The following CEP89 variants were observed in gnomAD, a reference collection of about 807,000 sequenced individuals.
CEP89 encodes the protein centrosomal protein of 89 kDa.
CEP89 carries 95 observed loss-of-function variants against 97.6 expected under a neutral mutation model. The observed-to-expected ratio is 0.97, with a 90% CI of 0.82 to 1.15. CEP89 has a LOEUF of 1.15. CEP89 is among the 50% of genes most tolerant of loss of function. The pLI is 0.00. For synonymous variants in CEP89, 354 were observed against 349.1 expected, an observed-to-expected ratio of 1.01 and a Z score of -0.16; for missense variants, 869 against 947.7, an observed-to-expected ratio of 0.92 and a Z score of 1.09.
rs776531064 is a variant in CEP89, at chr19:32,926,241, C to T, written c.1113G>A (p.Leu371=). Reference sequence around the variant, plus strand: ...TCTCTTTCATCATATCTTCATAAGCCAGCAACAATGGTGACAGGTACTTTA... The same window carrying T: ...TCTCTTTCATCATATCTTCATAAGCTAGCAACAATGGTGACAGGTACTTTA... ...LDIKYLSPLL[L]AYEDMMKEKD... is the part of the protein sequence containing the mutation. The change falls in exon 11 of 19, where the codon CTG becomes CTA. Residue 371 remains leucine, a synonymous_variant. Transcript: ENST00000305768. 4 of 1,613,680 alleles carry T rather than the reference C, an allele frequency of 2.5e-6. No individual in the cohort carries two copies. The highest frequency in any genetic ancestry group is 1.7e-6 in the Non-Finnish European group (2 of 1,179,650).
intron 14 of CEP89, among the ~76,000 whole-genome samples, chr19:32,904,590 T>G (rs1969850742): frequency 6.7e-6 from 1 of 148,220 alleles, no homozygotes; most frequent in Non-Finnish European, 1.5e-5. Context: ...ATCATTTTCT[T>G]TCTTCCTTTT....
chr19:32,902,440 A>C (rs1969800738), intron 14 of CEP89, among the ~76,000 whole-genome samples: 2 of 152,222 alleles, frequency 1.3e-5, no homozygotes, highest in Non-Finnish European at 2.9e-5. Flanking sequence ...ATTAACGATA[A>C]AAGGTTAAAG....
At chr19:32,967,251 A>G (rs1346590213) in intron 1 of CEP89, among the ~76,000 whole-genome samples, 1 of 152,172 alleles carries the variant, frequency 6.6e-6, no homozygotes, top group Admixed American at 6.6e-5. Flanking sequence ...ACTAGCTCCT[A>G]TACACAATGA....
chr19:32,955,107 C>T (rs1971019532), intron 3 of CEP89, among the ~76,000 whole-genome samples: 1 of 152,120 alleles, frequency 6.6e-6, no homozygotes, highest in African/African-American at 2.4e-5. Context: ...ACCTCAGCCT[C>T]CCGAGTAGCT....
chr19:32,921,233 G>A (rs10404560), intron 12 of CEP89, among the ~76,000 whole-genome samples: 44,461 of 119,646 alleles, frequency 0.37, 7,340 homozygotes, highest in Admixed American at 0.48. Flanking sequence ...AAAAAAAAAA[G>A]AAAGAAAGAA....
Position 32,956,049 on chromosome 19 carries a change from C to CTTT in CEP89, c.306-2251_306-2249dup, listed in dbSNP as rs202179963. Among the ~76,000 whole-genome samples the CTTT allele has an allele frequency of 6.2e-3, 653 of 105,692 alleles. 17 individuals are homozygous for CTTT. The highest frequency in any genetic ancestry group is 7.8e-3 in the African/African-American group (211 of 27,116). The allele number at this position is 105,692 out of a possible 152,430, so 69.3% of individuals were successfully genotyped here. A position where few individuals can be genotyped will look rare whatever the true frequency, so the allele number is the denominator to read the frequency against. The stretch of plus-strand genomic sequence containing the variant: ...CTGGTATGTCCATTCCAATTTGGTT[C>CTTT]TTTTTTTTTTTTTTTTTTTTTTTTG... On this transcript the variant is annotated intron_variant, in intron 3 of 18. Coordinates refer to ENST00000305768, the MANE Select transcript of CEP89 (RefSeq NM_032816.5).
rs138461218 is a variant in CEP89, at chr19:32,892,574, G to A, written c.1876-4733C>T. The stretch of plus-strand genomic sequence containing the variant: ...GCCTGCCTCAGCCTCCCAAAGTGCT[G>A]GGATTACAGGTGTGAGCCACTGTGC... On this transcript the variant is annotated intron_variant, in intron 16 of 18. Coordinates refer to ENST00000305768, the MANE Select transcript of CEP89 (RefSeq NM_032816.5). 7.9e-5 allele frequency among the ~76,000 whole-genome samples: 12 copies of A among 151,844 alleles called. No individual in the cohort carries two copies. In the East Asian group the frequency reaches 2.1e-3, roughly 27 times the overall value.
intron 18 of CEP89, among the ~76,000 whole-genome samples, chr19:32,881,191 C>T (rs1233855846): frequency 2.0e-5 from 3 of 152,112 alleles, no homozygotes; most frequent in Non-Finnish European, 4.4e-5. Context: ...ATCCCTGCTA[C>T]TTGGGAAGCT....
At chr19:32,971,543 G>A in intron 1 of CEP89, 1 of 576,010 alleles carries the variant, frequency 1.7e-6, no homozygotes. Flanking sequence ...TGTAGTCTCA[G>A]CTCCTCGGGA....
Position 32,936,581 on chromosome 19 carries a change from G to A in CEP89, c.667+1050C>T, listed in dbSNP as rs1970585556. On this transcript the variant is annotated intron_variant, in intron 7 of 18. Transcript: ENST00000305768. This position sits in a 1 kb window ranked among gnomAD's most constrained non-coding sequence, Gnocchi z 4.5. ...ACCCATGGCCACCCATGGACCAATC[G>A]GTGCGCACTTCCTCCCTTCTGAGGC... Among the ~76,000 whole-genome samples, 2 of 152,116 alleles carry A rather than the reference G, an allele frequency of 1.3e-5. No individual in the cohort carries two copies. The highest frequency in any genetic ancestry group is 6.5e-5 in the Admixed American group (1 of 15,268).
In CEP89 at chr19:32,891,372, CAT is replaced by C. The variant is rs200392900; in HGVS notation, c.1876-3533_1876-3532del. ...ACACACAAACACACACACACACACA[CAT>C]ACACCAATACAAAAAATTAGAATAA... On this transcript the variant is annotated intron_variant, in intron 16 of 18. Transcript: ENST00000305768. Among the ~76,000 whole-genome samples the C allele has an allele frequency of 2.7e-3, 409 of 152,236 alleles. 2 individuals carry two copies. Among genetic ancestry groups the C allele is most frequent in the African/African-American group, 9.4e-3 (389 of 41,530 alleles).
intron 12 of CEP89, among the ~76,000 whole-genome samples, chr19:32,919,983 GTTCA>G (rs1970214245): frequency 1.3e-5 from 2 of 151,990 alleles, no homozygotes; most frequent in Non-Finnish European, 1.5e-5. Flanking sequence ...TTCTTTATTT[GTTCA>G]TTCATTCATT....
At chr19:32,892,510 T>G (rs1001264823) in intron 16 of CEP89, among the ~76,000 whole-genome samples, 8 of 151,690 alleles carry the variant, frequency 5.3e-5, no homozygotes, top group Non-Finnish European at 1.5e-5. Context: ...TTCGCCATGT[T>G]GGCCGGGCTG....
chr19:32,895,615 A>G (rs79952554), intron 16 of CEP89, among the ~76,000 whole-genome samples: 12,447 of 152,156 alleles, frequency 0.082, 1,589 homozygotes, highest in African/African-American at 0.27. Context: ...AAGTCCTAGC[A>G]AGAGCAGTCA....
chr19:32,897,682 C>T (rs1353514537), intron 16 of CEP89, among the ~76,000 whole-genome samples: 1 of 152,084 alleles, frequency 6.6e-6, no homozygotes, highest in Non-Finnish European at 1.5e-5. Context: ...CTTCCTCAGC[C>T]TCCTGAGTAG....
chr19:32,884,546 CT>C (rs1969353107), intron 17 of CEP89, among the ~76,000 whole-genome samples: 2 of 152,014 alleles, frequency 1.3e-5, no homozygotes, highest in South Asian at 4.2e-4. Context: ...TGCTTTTTTG[CT>C]GTTATAATTC....
intron 17 of CEP89, among the ~76,000 whole-genome samples, chr19:32,882,800 T>G (rs538964967): frequency 6.6e-6 from 1 of 152,280 alleles, no homozygotes; most frequent in African/African-American, 2.4e-5. Flanking sequence ...GCTATTTACT[T>G]TCCTTCTTTC....
At position 32,881,903 on chromosome 19, in the gene CEP89, G is replaced by T. The variant is rs1231930887; in HGVS notation, c.2076C>A (p.His692Gln). ...GCTTGTCCTTCAGCACCTGGTGCAGGTGCCGCATCTCCTGCCGGTACTGGG... is the reference window on the plus strand; with the variant it reads ...GCTTGTCCTTCAGCACCTGGTGCAGTTGCCGCATCTCCTGCCGGTACTGGG... ...KTAQYRQEMRHLHQVLKDKQE... is the reference protein window; with the variant it reads ...KTAQYRQEMRQLHQVLKDKQE... The change falls in exon 18 of 19, where the codon CAC becomes CAA. Residue 692 changes from histidine (H) to glutamine (Q), a missense_variant. His to Gln is a conservative substitution (Grantham distance 24, BLOSUM62 0). Transcript: ENST00000305768. 1 of 1,606,466 alleles carries T rather than the reference G, an allele frequency of 6.2e-7. No homozygotes were observed. Among genetic ancestry groups the T allele is most frequent in the Non-Finnish European group, 8.5e-7 (1 of 1,178,636 alleles).
chr19:32,954,687 CAG>C (rs780616038), intron 3 of CEP89, among the ~76,000 whole-genome samples: 2 of 150,354 alleles, frequency 1.3e-5, no homozygotes, highest in Non-Finnish European at 3.0e-5. Flanking sequence ...TATTTTGAGA[CAG>C]AGTCTCACTC....
Sources: gnomAD v4.1 joint callset for allele counts (sites outside exome capture counted in the v4.1 genomes callset) on GRCh38, gnomAD v4.1.1 for gene constraint, Gnocchi (gnomAD v3.1) non-coding constraint, MANE v1.5 for transcripts, NCBI Gene and HGNC (gene_info 2026-07-23, HGNC 2026-07-21) for gene names.